Variants in HOMER1 observed in about 807,000 individuals in gnomAD.
The protein encoded by HOMER1 is homer scaffold protein 1, also known as homer protein homolog 1.
HOMER1 carries 3 observed loss-of-function variants against 48.9 expected under a neutral mutation model. The ratio of observed to expected loss-of-function variants is 0.06; its 90% CI spans 0.03 to 0.16. The LOEUF (loss-of-function observed/expected upper bound fraction) is 0.16, where lower values mean the gene tolerates loss of function less well. Among genes scored for constraint, HOMER1 ranks in the 10% least tolerant of loss-of-function variants. The pLI is 1.00. For synonymous variants in HOMER1, 134 were observed against 146.4 expected (o/e 0.92, Z 0.61); for missense variants, 247 against 411.4 (o/e 0.60, Z 3.46).
chr5:79,403,899 A>G (rs1749594109), intron 5 of HOMER1, among the ~76,000 whole-genome samples: 1 of 152,256 alleles, frequency 6.6e-6, no homozygotes, highest in East Asian at 1.9e-4. Context: ...GATAGAATCA[A>G]GCAACAAGCT....
chr5:79,404,593 C>T (rs930227027), intron 5 of HOMER1, among the ~76,000 whole-genome samples: 4 of 152,204 alleles, frequency 2.6e-5, no homozygotes, highest in African/African-American at 9.7e-5. Context: ...AACAGCCACA[C>T]ATGACTGGTG....
At chr5:79,434,349 A>T (rs1233843393) in intron 5 of HOMER1, among the ~76,000 whole-genome samples, 3 of 139,998 alleles carry the variant, frequency 2.1e-5, no homozygotes, top group African/African-American at 9.6e-5. Flanking sequence ...TTATTTATTA[A>T]AAAAAAAAGT....
At chr5:79,421,493 T>C (rs1490470118) in intron 5 of HOMER1, among the ~76,000 whole-genome samples, 1 of 152,328 alleles carries the variant, frequency 6.6e-6, no homozygotes, top group Non-Finnish European at 1.5e-5. Context: ...CCTATAATCA[T>C]GTAAATTACC....
At chr5:79,385,260 G>C (rs1229403403) in intron 8 of HOMER1, among the ~76,000 whole-genome samples, 1 of 151,874 alleles carries the variant, frequency 6.6e-6, no homozygotes, top group Non-Finnish European at 1.5e-5. Context: ...TAGACAAATG[G>C]GACTATATTA....
chr5:79,404,582 C>T (rs2112224296), intron 5 of HOMER1, among the ~76,000 whole-genome samples: 1 of 152,296 alleles, frequency 6.6e-6, no homozygotes, highest in East Asian at 1.9e-4. Flanking sequence ...TTCATGCACT[C>T]AACAGCCACA....
chr5:79,379,370 ATATT>A (rs1165410913), intron 8 of HOMER1, among the ~76,000 whole-genome samples: 10 of 112,086 alleles, frequency 8.9e-5, no homozygotes, highest in Admixed American at 1.3e-4. Flanking sequence ...ATATTTATAT[ATATT>A]TATATATTTT....
intron 1 of HOMER1, among the ~76,000 whole-genome samples, chr5:79,481,003 C>G (rs1418682217): frequency 6.6e-6 from 1 of 152,112 alleles, no homozygotes; most frequent in East Asian, 1.9e-4. Flanking sequence ...TTATTTGCCC[C>G]ATATAAAGCA....
intron 6 of HOMER1, 143 bp downstream of exon 6, chr5:79,401,756 C>T: frequency 1.3e-6 from 1 of 764,662 alleles, no homozygotes; most frequent in Non-Finnish European, 2.1e-6. Context: ...CTTAATCAAA[C>T]AAATGCATAT....
intron 1 of HOMER1, among the ~76,000 whole-genome samples, chr5:79,483,869 A>G (rs2112345956): frequency 6.6e-6 from 1 of 151,990 alleles, no homozygotes; most frequent in East Asian, 1.9e-4. Flanking sequence ...ACAGTGGCCA[A>G]CATGGTAAAA....
At chr5:79,415,539 T>G (rs927895043) in intron 5 of HOMER1, among the ~76,000 whole-genome samples, 3 of 152,196 alleles carry the variant, frequency 2.0e-5, no homozygotes, top group Admixed American at 6.5e-5. Context: ...CAAAAGAGGC[T>G]GATATTAAAA....
At chr5:79,475,324 A>G (rs1370515859) in intron 1 of HOMER1, among the ~76,000 whole-genome samples, 1 of 129,748 alleles carries the variant, frequency 7.7e-6, no homozygotes, top group African/African-American at 2.9e-5. Flanking sequence ...GGATGGGAGA[A>G]TAATTATTTT....
In HOMER1 at chr5:79,391,454, A is replaced by G. The variant is rs1479449351; in HGVS notation, c.876+5369T>C. The stretch of plus-strand genomic sequence containing the variant: ...CAAAATCTTTTTTTTTTTATGTATG[A>G]AAAAAAAAGGCCAGGTGCAGTGGCT... On this transcript the variant is annotated intron_variant, in intron 8 of 8. Transcript: ENST00000334082. 2.1e-5 allele frequency among the ~76,000 whole-genome samples: 3 copies of G among 139,964 alleles called. No homozygotes were observed. In the East Asian group the frequency reaches 5.9e-4, roughly 28 times the overall value. The allele number at this position is 139,964 out of a possible 152,430, so 91.8% of individuals were successfully genotyped here.
intron 5 of HOMER1, among the ~76,000 whole-genome samples, chr5:79,409,369 T>C (rs998541390): frequency 2.0e-5 from 3 of 148,188 alleles, no homozygotes; most frequent in African/African-American, 7.5e-5. Flanking sequence ...GAGGCGGAGG[T>C]TGTGGTGAGC....
intron 5 of HOMER1, among the ~76,000 whole-genome samples, chr5:79,409,129 AAC>A (rs1341176917): frequency 1.3e-5 from 2 of 151,406 alleles, no homozygotes; most frequent in African/African-American, 4.9e-5. Flanking sequence ...AAGATGGTTC[AAC>A]ATACAAAAAT....
At chr5:79,402,124 C>A in intron 5 of HOMER1, 69 bp from the exon 6 acceptor site, 1 of 1,313,930 alleles carries the variant, frequency 7.6e-7, no homozygotes. Context: ...GACAGCAAGA[C>A]TCAGTTCTAT....
chr5:79,463,214 G>T (rs967293885), intron 1 of HOMER1, among the ~76,000 whole-genome samples: 1 of 152,138 alleles, frequency 6.6e-6, no homozygotes, highest in Non-Finnish European at 1.5e-5. Flanking sequence ...TGTGAGCTTC[G>T]CTAAGGATAA....
At chr5:79,488,744 A>G (rs1421456881) in intron 1 of HOMER1, among the ~76,000 whole-genome samples, 1 of 152,268 alleles carries the variant, frequency 6.6e-6, no homozygotes, top group African/African-American at 2.4e-5. Flanking sequence ...AGTAGCTATT[A>G]GTACATCAGG....
chr5:79,461,920 C>T (rs568239603), intron 1 of HOMER1, among the ~76,000 whole-genome samples: 3 of 152,040 alleles, frequency 2.0e-5, no homozygotes, highest in Non-Finnish European at 2.9e-5. Context: ...AGATCCATGC[C>T]GGGCGCAGTG....
intron 6 of HOMER1, among the ~76,000 whole-genome samples, chr5:79,400,751 T>G (rs1014012103): frequency 6.8e-5 from 10 of 147,654 alleles, no homozygotes; most frequent in African/African-American, 2.0e-4. Context: ...TCTTTTTTTT[T>G]TTTGTTTTTT....
Sources: allele counts gnomAD v4.1 joint callset (sites outside exome capture counted in the v4.1 genomes callset), GRCh38; gene constraint gnomAD v4.1.1; transcripts MANE v1.5; gene names NCBI Gene and HGNC (gene_info 2026-07-23, HGNC 2026-07-21).